The following LHX8 variants were observed in gnomAD, a reference collection of about 807,000 sequenced individuals.
LHX8 encodes LIM homeobox 8.
In LHX8, 12 loss-of-function variants were observed where a neutral mutation model predicts 40.3. That is an observed-to-expected ratio of 0.30 (90% confidence interval 0.19 to 0.48). LHX8 has a LOEUF of 0.48. Ranked by LOEUF, LHX8 falls within the 20% of genes least tolerant of loss-of-function variation. The probability of loss-of-function intolerance (pLI) is 0.99; values close to 1 mark genes in which losing one functional copy is unlikely to be tolerated. For missense variants in LHX8, 344 were observed against 433.7 expected (o/e 0.79, Z 1.84); for synonymous variants, 179 against 162.0 (o/e 1.10, Z -0.80).
intron 7 of LHX8, among the ~76,000 whole-genome samples, chr1:75,149,589 G>A (rs1358224274): frequency 1.3e-5 from 2 of 152,078 alleles, no homozygotes; most frequent in Admixed American, 1.3e-4. Flanking sequence ...GGTCATGGGT[G>A]GCCTAGGCTG....
At chr1:75,142,849 C>T (rs1229831946) in intron 4 of LHX8, among the ~76,000 whole-genome samples, 2 of 151,998 alleles carry the variant, frequency 1.3e-5, no homozygotes, top group African/African-American at 2.4e-5. Context: ...GATTTTAAAA[C>T]TCATTTTAAA....
At chr1:75,131,019 G>C, upstream of LHX8, 1 of 486,334 alleles carries the variant, frequency 2.1e-6, no homozygotes, top group Non-Finnish European at 3.7e-6. Flanking sequence ...TACCCTTGGC[G>C]CTGGAGCCCT....
chr1:75,183,834 A>C, the LHX8 span, among the ~76,000 whole-genome samples: 1 of 152,240 alleles, frequency 6.6e-6, no homozygotes, highest in Non-Finnish European at 1.5e-5. Context: ...CAGAGTGGTA[A>C]GGTAGATAGA....
chr1:75,197,131 A>G, the LHX8 span, among the ~76,000 whole-genome samples: 1 of 152,346 alleles, frequency 6.6e-6, no homozygotes, highest in Non-Finnish European at 1.5e-5. Flanking sequence ...CAATTTATGA[A>G]ATAATTTAAT....
chr1:75,192,776 T>G, the LHX8 span, among the ~76,000 whole-genome samples: 1 of 152,010 alleles, frequency 6.6e-6, no homozygotes, highest in African/African-American at 2.4e-5. Context: ...CACTGCAGCC[T>G]CCGTCTCCTG....
chr1:75,198,533 T>G, the LHX8 span, among the ~76,000 whole-genome samples: 1 of 152,196 alleles, frequency 6.6e-6, no homozygotes, highest in Non-Finnish European at 1.5e-5. Flanking sequence ...TTGAGCAGTT[T>G]AACACCTTGC....
chr1:75,173,622 T>A, the LHX8 span, among the ~76,000 whole-genome samples: 3 of 152,062 alleles, frequency 2.0e-5, no homozygotes, highest in Non-Finnish European at 4.4e-5. Flanking sequence ...GACCTCGTGA[T>A]CTGCCCGCCT....
At chr1:75,156,442 A>G (rs941524209) in intron 7 of LHX8, among the ~76,000 whole-genome samples, 4 of 152,156 alleles carry the variant, frequency 2.6e-5, no homozygotes, top group African/African-American at 9.6e-5. Flanking sequence ...GGGTTTTACC[A>G]TGTTGGCCAG....
downstream of LHX8, among the ~76,000 whole-genome samples, chr1:75,164,730 T>C (rs1217788226): frequency 6.6e-6 from 1 of 151,442 alleles, no homozygotes. Context: ...AGTATCCTTT[T>C]TTTTTTTTTT....
the LHX8 span, among the ~76,000 whole-genome samples, chr1:75,173,508 G>T: frequency 6.8e-6 from 1 of 147,212 alleles, no homozygotes; most frequent in East Asian, 2.1e-4. Context: ...TCAGCCTCCC[G>T]AGTAGCTGGG....
At chr1:75,139,811 G>A (rs937429870) in intron 3 of LHX8, among the ~76,000 whole-genome samples, 8 of 152,162 alleles carry the variant, frequency 5.3e-5, no homozygotes, top group Admixed American at 5.2e-4. Flanking sequence ...CAGCTTCGAA[G>A]TACCTTTTAT....
the LHX8 span, among the ~76,000 whole-genome samples, chr1:75,182,382 T>G: frequency 6.7e-6 from 1 of 148,758 alleles, no homozygotes; most frequent in Non-Finnish European, 1.5e-5. Context: ...TTTTTTTTTT[T>G]TTTTTTTTGA....
At chr1:75,175,617 T>C in the LHX8 span, among the ~76,000 whole-genome samples, 1 of 152,200 alleles carries the variant, frequency 6.6e-6, no homozygotes, top group Non-Finnish European at 1.5e-5. Context: ...TTGAGAATTG[T>C]ATATTCATGT....
chr1:75,182,331 G>A, the LHX8 span, among the ~76,000 whole-genome samples: 1 of 145,934 alleles, frequency 6.9e-6, no homozygotes, highest in South Asian at 2.2e-4. Flanking sequence ...TTATTTCTAG[G>A]TTCTGTATTC....
At chr1:75,156,350 T>C (rs1056964364) in intron 7 of LHX8, among the ~76,000 whole-genome samples, 4 of 152,054 alleles carry the variant, frequency 2.6e-5, no homozygotes, top group African/African-American at 9.7e-5. Flanking sequence ...CAAGTGATTC[T>C]CCTGCCTCAG....
the LHX8 span, among the ~76,000 whole-genome samples, chr1:75,186,330 G>T: frequency 6.6e-6 from 1 of 152,046 alleles, no homozygotes; most frequent in Non-Finnish European, 1.5e-5. Flanking sequence ...GCATAGTACT[G>T]GTACAACAAC....
chr1:75,145,453 C>T (rs1648436015), intron 6 of LHX8, among the ~76,000 whole-genome samples: 2 of 152,212 alleles, frequency 1.3e-5, no homozygotes, highest in Middle Eastern at 3.4e-3. Context: ...TGTAGATAGA[C>T]ACTTTTCTAT....
intron 7 of LHX8, among the ~76,000 whole-genome samples, chr1:75,155,426 G>C (rs1014411635): frequency 1.3e-5 from 2 of 151,912 alleles, no homozygotes; most frequent in African/African-American, 2.4e-5. Flanking sequence ...AGTAGAGATG[G>C]AGTTTCACTG....
chr1:75,179,448 A>G, the LHX8 span, among the ~76,000 whole-genome samples: 1 of 142,154 alleles, frequency 7.0e-6, no homozygotes, highest in African/African-American at 2.6e-5. Context: ...GTCTCTTTTG[A>G]TCTTTTTTGG....
Sources: allele counts gnomAD v4.1 joint callset (sites outside exome capture counted in the v4.1 genomes callset), GRCh38; gene constraint gnomAD v4.1.1; transcripts MANE v1.5; gene names NCBI Gene and HGNC (gene_info 2026-07-23, HGNC 2026-07-21).